CSMD3: variants seen among roughly 807,000 people sequenced by gnomAD.
CSMD3 encodes the protein CUB and Sushi multiple domains 3.
Under a neutral mutation model 435.2 loss-of-function variants are expected in CSMD3, and 177 were observed. The observed-to-expected ratio is 0.41, with a 90% CI of 0.36 to 0.46. The LOEUF is 0.46. Ranked by LOEUF, CSMD3 falls within the 20% of genes least tolerant of loss-of-function variation. The pLI is 0.34. For missense variants in CSMD3, 4,265 were observed against 4,504.6 expected (o/e 0.95, Z 1.52); for synonymous variants, 1,656 against 1,520.5 (o/e 1.09, Z -2.07).
chr8:112,514,639 A>T lies in CSMD3; in HGVS notation c.4756+2395T>A, dbSNP rs145204004. 3.6e-3 allele frequency among the ~76,000 whole-genome samples: 541 copies of T among 152,236 alleles called. 1 individual carries two copies. The highest frequency in any genetic ancestry group is 0.012 in the African/African-American group (518 of 41,554). ...CCCGGGGGCAATGTCAAAGTAATTT[A>T]CACGCTGTCAATTTTGTTGGAATGA... On this transcript the variant is annotated intron_variant, in intron 28 of 70. Transcript: ENST00000297405.
intron 23 of CSMD3, among the ~76,000 whole-genome samples, chr8:112,578,997 C>T (rs1015797521): frequency 6.6e-6 from 1 of 151,922 alleles, no homozygotes; most frequent in South Asian, 2.1e-4. Context: ...TTACAGAATG[C>T]TTTTATTGTT....
chr8:112,442,396 A>G (rs1815126009), intron 32 of CSMD3, among the ~76,000 whole-genome samples: 1 of 152,156 alleles, frequency 6.6e-6, no homozygotes, highest in Admixed American at 6.5e-5. Flanking sequence ...GGACATAATC[A>G]TCATTATCAT....
intron 10 of CSMD3, among the ~76,000 whole-genome samples, chr8:112,909,277 A>T (rs1305486269): frequency 6.6e-6 from 1 of 151,690 alleles, no homozygotes; most frequent in Non-Finnish European, 1.5e-5. Context: ...GAGAAACACA[A>T]GAAGTCATCC....
intron 4 of CSMD3, among the ~76,000 whole-genome samples, chr8:113,114,939 A>G (rs1029499856): frequency 4.6e-5 from 7 of 152,204 alleles, no homozygotes; most frequent in Admixed American, 6.5e-5. Flanking sequence ...AGTAGGCACA[A>G]ATAAAGACAG....
intron 6 of CSMD3, among the ~76,000 whole-genome samples, chr8:112,979,360 T>C (rs2084965085): frequency 1.3e-5 from 2 of 151,728 alleles, no homozygotes; most frequent in Admixed American, 1.3e-4. Flanking sequence ...TACAGTTATG[T>C]CATATATTGC....
chr8:113,411,655 T>A (rs373229147), intron 1 of CSMD3, among the ~76,000 whole-genome samples: 3 of 152,312 alleles, frequency 2.0e-5, no homozygotes, highest in African/African-American at 7.2e-5. Flanking sequence ...GATTTTCATT[T>A]CATGTGCTTA....
intron 6 of CSMD3, among the ~76,000 whole-genome samples, chr8:113,001,246 CCT>C (rs1440032000): frequency 6.6e-6 from 1 of 151,920 alleles, no homozygotes; most frequent in Non-Finnish European, 1.5e-5. Context: ...ACATATTTTC[CCT>C]CTCTCCTGCT....
At chr8:112,697,003 A>C (rs553511436) in intron 13 of CSMD3, among the ~76,000 whole-genome samples, 22 of 152,038 alleles carry the variant, frequency 1.4e-4, no homozygotes, top group African/African-American at 5.1e-4. Context: ...CCATCAGAGA[A>C]ATGCAAATCA....
intron 3 of CSMD3, among the ~76,000 whole-genome samples, chr8:113,194,831 T>C (rs1479531403): frequency 6.6e-6 from 1 of 151,290 alleles, no homozygotes; most frequent in Non-Finnish European, 1.5e-5. Flanking sequence ...CAGTGGCCTA[T>C]ACCTAGCTTA....
chr8:112,390,204 C>T (rs916898495), intron 36 of CSMD3, among the ~76,000 whole-genome samples: 1 of 151,632 alleles, frequency 6.6e-6, no homozygotes, highest in African/African-American at 2.4e-5. Flanking sequence ...GTTTTCTTAA[C>T]CACTGAAATG....
At position 113,436,855 on chromosome 8, in the gene CSMD3, A is replaced by G. The variant is rs552452455; in HGVS notation, c.-1T>C. 6.2e-7 allele frequency: 1 copy of G among 1,613,762 alleles called. No homozygotes were observed. Among genetic ancestry groups the G allele is most frequent in the South Asian group, 1.1e-5 (1 of 91,058 alleles). ...TTTCCCCTTTGCGGATCCCTTTCAT[A>G]TTATTCGCGAGCTCCTAATTCCTGC... On this transcript the variant is annotated 5_prime_UTR_variant, in exon 1 of 71. Coordinates refer to ENST00000297405, the MANE Select transcript of CSMD3 (RefSeq NM_198123.2).
chr8:113,212,862 A>G (rs1004703051), intron 3 of CSMD3, among the ~76,000 whole-genome samples: 3 of 151,028 alleles, frequency 2.0e-5, no homozygotes, highest in Non-Finnish European at 3.0e-5. Flanking sequence ...CATTATGCAC[A>G]TGCACCCTAG....
chr8:112,972,419 C>T lies in CSMD3; in HGVS notation c.1342+3418G>A, dbSNP rs114501060. On this transcript the variant is annotated intron_variant, in intron 7 of 70. Transcript: ENST00000297405. ...AGGATATTTTTGACTTTATAGTTTG[C>T]TAATGGTTAATTATAAAATTATTTT... Among the ~76,000 whole-genome samples, 1,293 of 151,632 alleles carry T rather than the reference C, an allele frequency of 8.5e-3. 17 individuals carry two copies. Among genetic ancestry groups the T allele is most frequent in the African/African-American group, 0.03 (1,234 of 41,420 alleles).
chr8:112,288,789 T>C (rs948650883), intron 57 of CSMD3, among the ~76,000 whole-genome samples: 21 of 152,122 alleles, frequency 1.4e-4, no homozygotes, highest in Non-Finnish European at 2.9e-4. Flanking sequence ...AATTAAAATA[T>C]CTTTAATACT....
At chr8:113,051,195 C>T (rs1055776372) in intron 5 of CSMD3, among the ~76,000 whole-genome samples, 6 of 152,184 alleles carry the variant, frequency 3.9e-5, no homozygotes, top group South Asian at 2.1e-4. Flanking sequence ...TGAAAAAATA[C>T]GCTGTTGGTT....
At chr8:112,494,197 G>A (rs1820984766) in intron 30 of CSMD3, among the ~76,000 whole-genome samples, 1 of 152,026 alleles carries the variant, frequency 6.6e-6, no homozygotes, top group Admixed American at 6.6e-5. Flanking sequence ...TAAAGAGGAA[G>A]TGGTAGAACC....
intron 18 of CSMD3, among the ~76,000 whole-genome samples, chr8:112,653,006 G>A (rs113834982): frequency 1.3e-5 from 2 of 152,088 alleles, no homozygotes; most frequent in Non-Finnish European, 2.9e-5. Flanking sequence ...TAGTAGAGAC[G>A]TGGTTTCACC....
At chr8:112,590,174 T>C (rs927173858) in intron 22 of CSMD3, among the ~76,000 whole-genome samples, 2 of 152,118 alleles carry the variant, frequency 1.3e-5, no homozygotes, top group African/African-American at 2.4e-5. Context: ...ATTTATTATG[T>C]ACTGGGTGGT....
At chr8:113,027,662 G>T (rs7007093) in intron 5 of CSMD3, among the ~76,000 whole-genome samples, 100,447 of 151,912 alleles carry the variant, frequency 0.66, 34,512 homozygotes, top group East Asian at 0.95. Context: ...TTACAAAGTA[G>T]TTACAAAGCA....
Sources: allele counts gnomAD v4.1 joint callset (sites outside exome capture counted in the v4.1 genomes callset), GRCh38; gene constraint gnomAD v4.1.1; transcripts MANE v1.5; gene names NCBI Gene and HGNC (gene_info 2026-07-23, HGNC 2026-07-21).